The following DPP6 variants were observed in gnomAD, a reference collection of about 807,000 sequenced individuals.
DPP6 encodes dipeptidyl peptidase like 6, also known as A-type potassium channel modulatory protein DPP6.
A neutral mutation model predicts 122.6 loss-of-function variants in DPP6; 69 were observed. That is an observed-to-expected ratio of 0.56 (90% CI 0.46 to 0.69). DPP6 has a LOEUF of 0.69. Among genes scored for constraint, DPP6 ranks in the 30% least tolerant of loss-of-function variants. DPP6 has a pLI of 0.00. For synonymous variants in DPP6, 418 were observed against 433.1 expected (o/e 0.97, Z 0.43); for missense variants, 928 against 1,116.9 (o/e 0.83, Z 2.41).
intron 1 of DPP6, among the ~76,000 whole-genome samples, chr7:153,903,676 G>A (rs1451744178): frequency 2.0e-5 from 3 of 152,180 alleles, no homozygotes; most frequent in Admixed American, 2.0e-4. Flanking sequence ...GCATGTGGAA[G>A]CTTATCCGAT....
intron 16 of DPP6, among the ~76,000 whole-genome samples, chr7:154,816,829 A>G (rs1007687253): frequency 1.3e-5 from 2 of 152,166 alleles, no homozygotes; most frequent in Non-Finnish European, 2.9e-5. Context: ...CACTTACACT[A>G]GCAAATTCCA....
intron 5 of DPP6, chr7:154,588,373 G>A (rs375657340): frequency 6.7e-5 from 28 of 421,042 alleles, no homozygotes; most frequent in African/African-American, 3.7e-4. Context: ...GATGTTGGCC[G>A]ACTGTGTCTT....
chr7:154,015,088 T>A (rs1161069839), intron 1 of DPP6, among the ~76,000 whole-genome samples: 1 of 152,154 alleles, frequency 6.6e-6, no homozygotes, highest in Non-Finnish European at 1.5e-5. Flanking sequence ...TGAATATTGG[T>A]GGTGGTTCTC....
chr7:154,516,092 C>T (rs1826475843), intron 3 of DPP6, among the ~76,000 whole-genome samples: 1 of 152,232 alleles, frequency 6.6e-6, no homozygotes, highest in Middle Eastern at 3.4e-3. Flanking sequence ...TGGGGATAGT[C>T]CAGTGAACTT....
At chr7:153,805,868 C>CGGAG in the DPP6 span, among the ~76,000 whole-genome samples, 1 of 151,520 alleles carries the variant, frequency 6.6e-6, no homozygotes, top group Non-Finnish European at 1.5e-5. Context: ...GGGGGACTGG[C>CGGAG]GGAGGGATAG....
intron 3 of DPP6, among the ~76,000 whole-genome samples, chr7:154,490,879 A>G (rs1338188661): frequency 1.3e-5 from 2 of 152,212 alleles, no homozygotes; most frequent in African/African-American, 4.8e-5. Flanking sequence ...ACCAGGAATG[A>G]AGCTTTATAA....
chr7:154,744,423 A>G (rs564552750), intron 8 of DPP6, among the ~76,000 whole-genome samples: 1 of 152,324 alleles, frequency 6.6e-6, no homozygotes, highest in African/African-American at 2.4e-5. Context: ...CCTGGCGGCC[A>G]GCCGAGGCAT....
chr7:154,358,272 C>T (rs1025999770), intron 1 of DPP6, among the ~76,000 whole-genome samples: 5 of 152,120 alleles, frequency 3.3e-5, no homozygotes, highest in Non-Finnish European at 7.3e-5. Context: ...TTACCTGGAC[C>T]CATGGAGGGT....
At chr7:154,172,687 G>A (rs1318450477) in intron 1 of DPP6, among the ~76,000 whole-genome samples, 2 of 148,146 alleles carry the variant, frequency 1.4e-5, no homozygotes, top group African/African-American at 5.0e-5. Context: ...TGCAACCTCC[G>A]CCTCCTGGGG....
chr7:154,446,301 G>A lies in DPP6; in HGVS notation c.331G>A (p.Val111Ile), dbSNP rs370015674. ...CATTCTGGTCATCTGCTCCTTGATC[G>A]TCACCTCGGTCATACTTCTGACACC... Reference protein sequence around the residue: ...LVILVICSLIVTSVILLTPAE... With the variant: ...LVILVICSLIITSVILLTPAE... Residue 111 changes from valine to isoleucine, a missense_variant, in exon 2 of 26, where the codon GTC becomes ATC. Val to Ile is a conservative substitution (Grantham distance 29). Transcript: ENST00000377770. 2.7e-5 allele frequency: 44 copies of A among 1,611,356 alleles called. No homozygotes were observed. The highest frequency in any genetic ancestry group is 2.7e-4 in the East Asian group (12 of 44,712).
chr7:153,993,995 A>G (rs1797317425), intron 1 of DPP6, among the ~76,000 whole-genome samples: 1 of 152,254 alleles, frequency 6.6e-6, no homozygotes, highest in Admixed American at 6.5e-5. Flanking sequence ...TGAAGAAGCT[A>G]TTGGATCAAT....
intron 1 of DPP6, among the ~76,000 whole-genome samples, chr7:154,115,156 A>G (rs549478868): frequency 0.085 from 11,679 of 137,632 alleles, 697 homozygotes; most frequent in African/African-American, 0.19. Context: ...ACAGTGCTGC[A>G]GTCATCAGGT....
At chr7:154,733,750 T>C (rs1842448411) in intron 8 of DPP6, among the ~76,000 whole-genome samples, 1 of 152,184 alleles carries the variant, frequency 6.6e-6, no homozygotes, top group African/African-American at 2.4e-5. Flanking sequence ...GATCGTGGAA[T>C]GGTTTTCAGG....
chr7:154,082,201 A>C (rs1482343700), intron 1 of DPP6, among the ~76,000 whole-genome samples: 1 of 152,150 alleles, frequency 6.6e-6, no homozygotes, highest in African/African-American at 2.4e-5. Flanking sequence ...TGAATAAATG[A>C]ATGAATAAAC....
At chr7:154,344,461 T>G (rs1810216918) in intron 1 of DPP6, among the ~76,000 whole-genome samples, 1 of 152,068 alleles carries the variant, frequency 6.6e-6, no homozygotes, top group Non-Finnish European at 1.5e-5. Flanking sequence ...TCATACGCTG[T>G]TGGTGGGAAG....
chr7:154,132,139 G>A (rs1032929044), intron 1 of DPP6, among the ~76,000 whole-genome samples: 164 of 152,168 alleles, frequency 1.1e-3, no homozygotes, highest in African/African-American at 3.8e-3. Flanking sequence ...GTCACAATTT[G>A]TATTGAGACA....
intron 23 of DPP6, among the ~76,000 whole-genome samples, chr7:154,888,428 G>C (rs1430573133): frequency 6.6e-6 from 1 of 152,174 alleles, no homozygotes; most frequent in Admixed American, 6.5e-5. Context: ...AGGCCTCTCT[G>C]ATGCGACCTC....
At chr7:153,884,271 T>C (rs948730302), upstream of DPP6, among the ~76,000 whole-genome samples, 1 of 152,212 alleles carries the variant, frequency 6.6e-6, no homozygotes, top group African/African-American at 2.4e-5. Context: ...TTTGGTTTTT[T>C]GTCCTCGCAA....
At chr7:153,917,187 C>A (rs1037368258) in intron 1 of DPP6, among the ~76,000 whole-genome samples, 3 of 152,170 alleles carry the variant, frequency 2.0e-5, no homozygotes, top group Admixed American at 6.5e-5. Context: ...GTGTGATGAA[C>A]CAGACAGGGC....
Sources: allele counts gnomAD v4.1 joint callset (sites outside exome capture counted in the v4.1 genomes callset), GRCh38; gene constraint gnomAD v4.1.1; transcripts MANE v1.5; gene names NCBI Gene and HGNC (gene_info 2026-07-23, HGNC 2026-07-21).